Variants in LRRC4C observed in about 807,000 individuals in gnomAD.
The protein encoded by LRRC4C is leucine-rich repeat-containing protein 4C.
Under a neutral mutation model 33.6 loss-of-function variants are expected in LRRC4C, and 5 were observed. That is an observed-to-expected ratio of 0.15 (90% confidence interval 0.08 to 0.31). The LOEUF (loss-of-function observed/expected upper bound fraction) is 0.31, where lower values mean the gene tolerates loss of function less well. Ranked by LOEUF, LRRC4C falls within the 10% of genes least tolerant of loss-of-function variation. The pLI is 1.00. For synonymous variants in LRRC4C, 329 were observed against 302.0 expected (o/e 1.09, Z -0.93); for missense variants, 560 against 796.7 (o/e 0.70, Z 3.58).
intron 1 of LRRC4C, among the ~76,000 whole-genome samples, chr11:41,145,308 A>T (rs1943680299): frequency 6.6e-6 from 1 of 152,194 alleles, no homozygotes; most frequent in African/African-American, 2.4e-5. Context: ...TGAGTTTATT[A>T]GTGAAGCTGA....
At chr11:40,177,013 G>A (rs942366673) in intron 5 of LRRC4C, among the ~76,000 whole-genome samples, 8 of 124,268 alleles carry the variant, frequency 6.4e-5, no homozygotes, top group Non-Finnish European at 1.1e-4. Context: ...TGCAAGCTCC[G>A]CCTCCCAGGT....
At chr11:40,661,986 CATATTAGGGGAAA>C (rs1471902582) in intron 2 of LRRC4C, among the ~76,000 whole-genome samples, 3 of 152,182 alleles carry the variant, frequency 2.0e-5, no homozygotes, top group Non-Finnish European at 2.9e-5. Context: ...AGGAAGCTGT[CATATTAGGGGAAA>C]GTCCACAAAT....
intron 3 of LRRC4C, among the ~76,000 whole-genome samples, chr11:40,430,818 A>T (rs1417221096): frequency 6.6e-6 from 1 of 151,748 alleles, no homozygotes; most frequent in East Asian, 1.9e-4. Context: ...GAAATTGGAA[A>T]TCATCATTCT....
intron 5 of LRRC4C, among the ~76,000 whole-genome samples, chr11:40,168,409 T>C (rs1859775794): frequency 6.6e-6 from 1 of 152,170 alleles, no homozygotes; most frequent in African/African-American, 2.4e-5. Context: ...TTCGTTCAGA[T>C]TTGCTCTAGT....
At chr11:41,065,441 A>C (rs2135391325) in intron 1 of LRRC4C, among the ~76,000 whole-genome samples, 1 of 152,272 alleles carries the variant, frequency 6.6e-6, no homozygotes, top group East Asian at 1.9e-4. Flanking sequence ...GGGACAGAGA[A>C]CCTATGGGGA....
intron 1 of LRRC4C, among the ~76,000 whole-genome samples, chr11:41,374,196 T>C (rs16935643): frequency 0.014 from 2,056 of 152,258 alleles, 21 homozygotes; most frequent in Middle Eastern, 0.024. Flanking sequence ...AAGGTTTGAA[T>C]TGGTATTTTC....
intron 2 of LRRC4C, among the ~76,000 whole-genome samples, chr11:40,922,238 G>C (rs116553494): frequency 0.013 from 1,963 of 152,058 alleles, 50 homozygotes; most frequent in African/African-American, 0.045. Context: ...GATTTTTAGA[G>C]TAGAGGTGGA....
intron 3 of LRRC4C, among the ~76,000 whole-genome samples, chr11:40,374,668 T>C (rs550801320): frequency 1.3e-5 from 2 of 152,274 alleles, no homozygotes; most frequent in Admixed American, 6.5e-5. Context: ...CCAGCAAGCA[T>C]AGCAGAAATT....
intron 1 of LRRC4C, among the ~76,000 whole-genome samples, chr11:41,108,793 A>G (rs1307609401): frequency 6.6e-6 from 1 of 152,118 alleles, no homozygotes; most frequent in African/African-American, 2.4e-5. Flanking sequence ...CCTTTCTTGT[A>G]TGCTATGATG....
intron 3 of LRRC4C, among the ~76,000 whole-genome samples, chr11:40,345,833 G>C (rs1256605183): frequency 6.6e-6 from 1 of 151,892 alleles, no homozygotes; most frequent in African/African-American, 2.4e-5. Flanking sequence ...CATCTGTGAG[G>C]AACTTAAACA....
At chr11:40,157,123 T>C (rs908003158) in intron 5 of LRRC4C, among the ~76,000 whole-genome samples, 1 of 152,134 alleles carries the variant, frequency 6.6e-6, no homozygotes, top group South Asian at 2.1e-4. Flanking sequence ...TACAGCCAAC[T>C]GATCTCTGAC....
intron 2 of LRRC4C, among the ~76,000 whole-genome samples, chr11:40,882,983 A>T (rs921152027): frequency 1.3e-5 from 2 of 151,988 alleles, no homozygotes; most frequent in Admixed American, 1.3e-4. Context: ...GTATTTTCTT[A>T]TTTGTGAACC....
intron 1 of LRRC4C, among the ~76,000 whole-genome samples, chr11:40,969,361 C>T (rs964165871): frequency 6.8e-6 from 1 of 147,950 alleles, no homozygotes; most frequent in Non-Finnish European, 1.5e-5. Flanking sequence ...GAAATGATAA[C>T]AAATAATTTA....
At chr11:40,997,825 T>C (rs1854094072) in intron 1 of LRRC4C, among the ~76,000 whole-genome samples, 1 of 152,116 alleles carries the variant, frequency 6.6e-6, no homozygotes, top group South Asian at 2.1e-4. Context: ...GTGAGATGTA[T>C]ATTAATATAC....
chr11:41,249,713 T>C (rs1299440419), intron 1 of LRRC4C, among the ~76,000 whole-genome samples: 1 of 152,180 alleles, frequency 6.6e-6, no homozygotes, highest in South Asian at 2.1e-4. Context: ...AGGCTTCTCT[T>C]CAAAGATCCC....
intron 3 of LRRC4C, among the ~76,000 whole-genome samples, chr11:40,639,227 A>T (rs1313380718): frequency 6.6e-6 from 1 of 152,066 alleles, no homozygotes; most frequent in Admixed American, 6.5e-5. Flanking sequence ...ATATAATATC[A>T]TGTGGTATAA....
At chr11:41,249,256 G>C (rs532424731) in intron 1 of LRRC4C, among the ~76,000 whole-genome samples, 1 of 151,968 alleles carries the variant, frequency 6.6e-6, no homozygotes, top group African/African-American at 2.4e-5. Flanking sequence ...GGATGGTCTC[G>C]ATCTCCTGGC....
intron 3 of LRRC4C, among the ~76,000 whole-genome samples, chr11:40,470,656 T>G (rs1952887042): frequency 6.6e-6 from 1 of 152,156 alleles, no homozygotes; most frequent in Non-Finnish European, 1.5e-5. Flanking sequence ...TTACAGGAAC[T>G]GCTAACTAGA....
chr11:41,051,655 C>T (rs1239901966), intron 1 of LRRC4C, among the ~76,000 whole-genome samples: 1 of 148,286 alleles, frequency 6.7e-6, no homozygotes, highest in Non-Finnish European at 1.5e-5. Context: ...TTTCTAGTGA[C>T]TGGCTTTTAG....
Sources: gnomAD v4.1 joint callset for allele counts (sites outside exome capture counted in the v4.1 genomes callset) on GRCh38, gnomAD v4.1.1 for gene constraint, MANE v1.5 for transcripts, NCBI Gene and HGNC (gene_info 2026-07-23, HGNC 2026-07-21) for gene names.